The following CYTH4 variants were observed in gnomAD, a reference collection of about 807,000 sequenced individuals.
The protein encoded by CYTH4 is cytohesin-4.
Under a neutral mutation model 57.5 loss-of-function variants are expected in CYTH4, and 22 were observed. The observed-to-expected ratio is 0.38, with a 90% CI of 0.27 to 0.55. The LOEUF (loss-of-function observed/expected upper bound fraction) is 0.55, where lower values mean the gene tolerates loss of function less well. CYTH4 is among the 20% of genes least tolerant of loss of function. The pLI is 0.74. For missense variants in CYTH4, 420 were observed against 535.6 expected, an observed-to-expected ratio of 0.78 and a Z score of 2.13; for synonymous variants, 186 against 206.5, an observed-to-expected ratio of 0.90 and a Z score of 0.85.
rs1929780039 is a variant in CYTH4, at chr22:37,314,454, C to T, written c.*943C>T. 2 of 398,666 alleles carry T rather than the reference C, an allele frequency of 5.0e-6. No individual in the cohort carries two copies. Among genetic ancestry groups the T allele is most frequent in the South Asian group, 1.3e-4 (1 of 7,862 alleles). 24.7% of individuals were successfully genotyped at this position (398,666 alleles called of 1,614,324 possible). The stretch of plus-strand genomic sequence containing the variant: ...AGCCAAGAAGGGAGAGTTTCGTGCA[C>T]TGTGGTTAACAGGAGGGCTGCCTGG... On this transcript the variant is annotated 3_prime_UTR_variant, in exon 13 of 13. Transcript: ENST00000248901.
intron 6 of CYTH4, among the ~76,000 whole-genome samples, chr22:37,299,824 A>G (rs1225302821): frequency 6.6e-6 from 1 of 152,064 alleles, no homozygotes; most frequent in Non-Finnish European, 1.5e-5. Flanking sequence ...AGCCATACAC[A>G]TGCACAAAAT....
At chr22:37,283,659 C>T (rs1928445621) in intron 1 of CYTH4, among the ~76,000 whole-genome samples, 1 of 152,154 alleles carries the variant, frequency 6.6e-6, no homozygotes, top group Admixed American at 6.5e-5. Context: ...AGAAAAGAGG[C>T]CAAGGGAGGA....
Position 37,311,730 on chromosome 22 carries a change from G to T in CYTH4, c.957+203G>T. 4.6e-6 allele frequency: 3 copies of T among 652,922 alleles called. No homozygotes were observed. In the East Asian group the frequency reaches 8.2e-5, roughly 18 times the overall value. 40.4% of individuals were successfully genotyped at this position (652,922 alleles called of 1,614,324 possible). On this transcript the variant is annotated intron_variant, in intron 11 of 12. Transcript: ENST00000248901. This position sits in a 1 kb window ranked among gnomAD's most constrained non-coding sequence, Gnocchi z 4.4. ...TCAATGTGGGTCCAAGGACGTGGTTGTCCCCTGTTGTCCCACACAGCCCGA... is the reference window on the plus strand; with the variant it reads ...TCAATGTGGGTCCAAGGACGTGGTTTTCCCCTGTTGTCCCACACAGCCCGA...
rs529380495 is a variant in CYTH4 at position 37,313,392 on chromosome 22, C to G, written c.1113-47C>G. 6.9e-6 allele frequency: 11 copies of G among 1,590,386 alleles called. No individual in the cohort carries two copies. In the South Asian group the frequency reaches 1.1e-4, roughly 16 times the overall value. On this transcript the variant is annotated intron_variant, in intron 12 of 12. Coordinates refer to ENST00000248901, the MANE Select transcript of CYTH4 (RefSeq NM_013385.5). ...TACAAGCCCTGGGAGAGCAGACCAC[C>G]TTGACGGCCAGTCCAGCCCTGAAAT...
rs1338897372 is a variant in CYTH4 at position 37,311,587 on chromosome 22, AC to A, written c.957+61del. 2.3e-5 allele frequency: 36 copies of A among 1,537,978 alleles called. No individual in the cohort carries two copies. Among genetic ancestry groups the A allele is most frequent in the Non-Finnish European group, 3.2e-5 (36 of 1,113,646 alleles). On this transcript the variant is annotated intron_variant, in intron 11 of 12. Coordinates refer to ENST00000248901, the MANE Select transcript of CYTH4 (RefSeq NM_013385.5). This position sits in a 1 kb window ranked among gnomAD's most constrained non-coding sequence, Gnocchi z 4.4. ...GCCACTGGGAAATTTCCTAAACAGA[AC>A]GTGGGGAGAGGGCCTGAGGCTGGGC...
intron 2 of CYTH4, among the ~76,000 whole-genome samples, chr22:37,294,310 G>T (rs188816906): frequency 1.6e-3 from 244 of 151,446 alleles, no homozygotes; most frequent in African/African-American, 5.3e-3. Context: ...TGTCGGGTAG[G>T]CTCGGCTAGA....
At chr22:37,308,880 G>A (rs1929526494) in intron 8 of CYTH4, among the ~76,000 whole-genome samples, 1 of 152,064 alleles carries the variant, frequency 6.6e-6, no homozygotes, top group South Asian at 2.1e-4. Flanking sequence ...GTGCGTGTGT[G>A]TGCACGTGTG....
At chr22:37,308,584 G>A (rs1476958032) in intron 8 of CYTH4, among the ~76,000 whole-genome samples, 1 of 151,788 alleles carries the variant, frequency 6.6e-6, no homozygotes, top group African/African-American at 2.4e-5. Context: ...GTGTGAGCGT[G>A]TATATGTGTC....
intron 1 of CYTH4, 66 bp from the exon 2 acceptor site, chr22:37,292,555 C>A: frequency 6.5e-7 from 1 of 1,529,906 alleles, no homozygotes; most frequent in African/African-American, 1.4e-5. Flanking sequence ...GGGGGCCCTG[C>A]AGAAGTGAGG....
At chr22:37,309,744 A>C (rs1929566527) in intron 9 of CYTH4, among the ~76,000 whole-genome samples, 2 of 152,226 alleles carry the variant, frequency 1.3e-5, no homozygotes, top group African/African-American at 4.8e-5. Context: ...GCCTGAGGCC[A>C]CACAGCCAGC....
intron 6 of CYTH4, 52 bp downstream of exon 6, chr22:37,299,358 T>C: frequency 2.0e-6 from 3 of 1,489,756 alleles, no homozygotes; most frequent in Non-Finnish European, 2.8e-6. Flanking sequence ...ACAGCCCCAG[T>C]GGCTGGGGGT....
intron 8 of CYTH4, 93 bp from the exon 9 acceptor site, chr22:37,309,119 G>A (rs1929538818): frequency 2.0e-6 from 2 of 1,024,998 alleles, no homozygotes; most frequent in African/African-American, 3.2e-5. Flanking sequence ...GCAGGTGAGT[G>A]ACCTGCTCAA....
intron 1 of CYTH4, among the ~76,000 whole-genome samples, chr22:37,285,444 A>T (rs1928521233): frequency 6.6e-6 from 1 of 152,128 alleles, no homozygotes; most frequent in South Asian, 2.1e-4. Context: ...GGTGGCTCAC[A>T]TCTATAATCC....
intron 8 of CYTH4, chr22:37,304,369 T>G: frequency 4.6e-6 from 2 of 433,868 alleles, no homozygotes; most frequent in Non-Finnish European, 4.7e-6. Flanking sequence ...GGAGTTTGCC[T>G]GTTTCCTATG....
At chr22:37,287,884 C>T (rs555586345) in intron 1 of CYTH4, among the ~76,000 whole-genome samples, 10 of 152,158 alleles carry the variant, frequency 6.6e-5, no homozygotes, top group East Asian at 3.9e-4. Flanking sequence ...GGTGTTTGTG[C>T]GCTTAACGGG....
chr22:37,312,537 A>G (rs146494861), intron 12 of CYTH4, among the ~76,000 whole-genome samples: 90 of 152,338 alleles, frequency 5.9e-4, no homozygotes, highest in African/African-American at 2.0e-3. Flanking sequence ...GGCTTTCCAG[A>G]TAAACTTCCA....
rs757931734 is a variant in CYTH4 at position 37,282,608 on chromosome 22, C to T, written c.19+20C>T. On this transcript the variant is annotated intron_variant, in intron 1 of 12. Transcript: ENST00000248901. ...ACCCAGGTAAGCAACTGCCGTCAAC[C>T]TCTCTGGGCCTCAGGGTGCTCTCTT... 2.5e-6 allele frequency: 4 copies of T among 1,599,972 alleles called. No homozygotes were observed. Among genetic ancestry groups the T allele is most frequent in the Non-Finnish European group, 3.4e-6 (4 of 1,171,596 alleles).
At chr22:37,312,371 GA>G (rs1159607339) in intron 12 of CYTH4, among the ~76,000 whole-genome samples, 197 bp downstream of exon 12, 1 of 152,212 alleles carries the variant, frequency 6.6e-6, no homozygotes, top group East Asian at 1.9e-4. Context: ...AGGACACAGG[GA>G]AAGGAGAGAC....
At chr22:37,303,038 G>A (rs1929241227) in intron 7 of CYTH4, among the ~76,000 whole-genome samples, 1 of 152,160 alleles carries the variant, frequency 6.6e-6, no homozygotes, top group Non-Finnish European at 1.5e-5. Flanking sequence ...CGCGGAGGTA[G>A]GAAGGGGCTC....
Sources: allele counts gnomAD v4.1 joint callset (sites outside exome capture counted in the v4.1 genomes callset), GRCh38; gene constraint gnomAD v4.1.1; non-coding constraint Gnocchi (gnomAD v3.1); transcripts MANE v1.5; gene names NCBI Gene and HGNC (gene_info 2026-07-23, HGNC 2026-07-21).